ARHGAP15: variants seen among roughly 807,000 people sequenced by gnomAD.
The protein encoded by ARHGAP15 is Rho GTPase activating protein 15.
Under a neutral mutation model 63.7 loss-of-function variants are expected in ARHGAP15, and 51 were observed. The ratio of observed to expected loss-of-function variants is 0.80; its 90% CI spans 0.64 to 1.01. ARHGAP15 has a LOEUF of 1.01. ARHGAP15 is among the 50% of genes least tolerant of loss of function. ARHGAP15 has a pLI of 0.00. For synonymous variants in ARHGAP15, 191 were observed against 193.8 expected (o/e 0.99, Z 0.12); for missense variants, 560 against 564.6 (o/e 0.99, Z 0.08).
chr2:143,193,395 G>T (rs1691753049), intron 2 of ARHGAP15: 1 of 152,644 alleles, frequency 6.6e-6, no homozygotes, highest in Non-Finnish European at 1.5e-5. Flanking sequence ...ACAGCTGTCT[G>T]GCCTGAGCCA....
chr2:143,657,264 G>A (rs1476856495), intron 12 of ARHGAP15, among the ~76,000 whole-genome samples: 1 of 152,092 alleles, frequency 6.6e-6, no homozygotes, highest in Non-Finnish European at 1.5e-5. Context: ...GGAGAATAGC[G>A]TGAACCCTGG....
At chr2:143,685,961 T>C (rs1462022072) in intron 12 of ARHGAP15, among the ~76,000 whole-genome samples, 3 of 152,158 alleles carry the variant, frequency 2.0e-5, no homozygotes, top group South Asian at 2.1e-4. Context: ...AAAAAAATTA[T>C]GTTAGCTGGA....
rs948594851 is a variant in ARHGAP15 at position 143,722,610 on chromosome 2, A to G, written c.1244+19086A>G. On this transcript the variant is annotated intron_variant, in intron 13 of 13. Coordinates refer to ENST00000295095, the MANE Select transcript of ARHGAP15 (RefSeq NM_018460.4). Reference sequence around the variant, plus strand: ...TAATGTAACAGGAAGGGAACAAAACACTTAAGAAAAAACAGAACAGAGACT... The same window carrying G: ...TAATGTAACAGGAAGGGAACAAAACGCTTAAGAAAAAACAGAACAGAGACT... 5.9e-5 allele frequency among the ~76,000 whole-genome samples: 9 copies of G among 152,272 alleles called. 1 individual carries two copies. The highest frequency in any genetic ancestry group is 4.4e-5 in the Non-Finnish European group (3 of 68,044).
chr2:143,182,989 A>C (rs16858734), intron 2 of ARHGAP15, among the ~76,000 whole-genome samples: 50,786 of 151,982 alleles, frequency 0.33, 8,657 homozygotes, highest in South Asian at 0.47. Context: ...AGAAGATTAA[A>C]CTTAACAGAT....
At chr2:143,668,486 C>A (rs1032664626) in intron 12 of ARHGAP15, among the ~76,000 whole-genome samples, 5 of 152,172 alleles carry the variant, frequency 3.3e-5, no homozygotes, top group Non-Finnish European at 7.3e-5. Context: ...GCAGATCCAG[C>A]TGAAAATACA....
At chr2:143,531,116 A>ACGTGTGTGCGCGTGCG (rs1694504322) in intron 10 of ARHGAP15, among the ~76,000 whole-genome samples, 1 of 27,442 alleles carries the variant, frequency 3.6e-5, no homozygotes, top group South Asian at 1.4e-3. Context: ...CTGTGTGTGT[A>ACGTGTGTGCGCGTGCG]TGTGTGTGCG....
At chr2:143,350,443 CAAAGA>C (rs1490482333) in intron 6 of ARHGAP15, among the ~76,000 whole-genome samples, 1 of 151,980 alleles carries the variant, frequency 6.6e-6, no homozygotes, top group African/African-American at 2.4e-5. Flanking sequence ...AGTTTCATAT[CAAAGA>C]AAAGTTGGAA....
At chr2:143,751,288 C>G (rs2105526691) in intron 13 of ARHGAP15, among the ~76,000 whole-genome samples, 1 of 152,338 alleles carries the variant, frequency 6.6e-6, no homozygotes, top group East Asian at 1.9e-4. Flanking sequence ...CGTGGGCTGT[C>G]TCCAAGAGTC....
At chr2:143,678,165 T>A (rs914710351) in intron 12 of ARHGAP15, among the ~76,000 whole-genome samples, 1 of 152,146 alleles carries the variant, frequency 6.6e-6, no homozygotes, top group East Asian at 1.9e-4. Context: ...TGAGCTGTGA[T>A]CATGCCACTA....
intron 2 of ARHGAP15, among the ~76,000 whole-genome samples, chr2:143,157,766 A>C (rs1309857168): frequency 6.6e-6 from 1 of 151,768 alleles, no homozygotes; most frequent in Non-Finnish European, 1.5e-5. Flanking sequence ...CAGAATGTAA[A>C]GTATTTTGGC....
At chr2:143,207,495 AACACAC>A (rs70982851) in intron 3 of ARHGAP15, among the ~76,000 whole-genome samples, 21,879 of 145,722 alleles carry the variant, frequency 0.15, 1,615 homozygotes, top group Middle Eastern at 0.24. Flanking sequence ...CACACACATA[AACACAC>A]ACACACACAC....
At chr2:143,628,201 C>A (rs1449104808) in intron 12 of ARHGAP15, among the ~76,000 whole-genome samples, 1 of 151,980 alleles carries the variant, frequency 6.6e-6, no homozygotes. Flanking sequence ...GTGTATGTAC[C>A]ACATTTTCTT....
intron 1 of ARHGAP15, among the ~76,000 whole-genome samples, chr2:143,141,973 T>A (rs1689388763): frequency 6.6e-6 from 1 of 152,054 alleles, no homozygotes. Context: ...TATGATGCCT[T>A]GTCTATAGGA....
intron 6 of ARHGAP15, among the ~76,000 whole-genome samples, chr2:143,416,134 T>TAA (rs34883043): frequency 0.2 from 28,378 of 140,602 alleles, 3,275 homozygotes; most frequent in East Asian, 0.47. Flanking sequence ...AAATAATAAT[T>TAA]AAAAAAAAAA....
At chr2:143,735,354 G>A (rs1398777888) in intron 13 of ARHGAP15, among the ~76,000 whole-genome samples, 1 of 152,116 alleles carries the variant, frequency 6.6e-6, no homozygotes, top group Non-Finnish European at 1.5e-5. Flanking sequence ...ACGTGACTTT[G>A]GGCGTGACTA....
In ARHGAP15 at chr2:143,430,806, T is replaced by C. The variant is rs1001436346; in HGVS notation, c.475-4795T>C. 2.0e-5 allele frequency among the ~76,000 whole-genome samples: 3 copies of C among 152,054 alleles called. No individual in the cohort carries two copies. The East Asian group carries it at 5.8e-4, about 29-fold the overall frequency. On this transcript the variant is annotated intron_variant, in intron 6 of 13. Transcript: ENST00000295095. ...TAGCAATTAAATTCCATTCCTCTTA[T>C]TTATGTCTCTCTAGAACCACTGTAG...
At chr2:143,511,747 T>TG (rs1467143132) in intron 9 of ARHGAP15, among the ~76,000 whole-genome samples, 1 of 152,212 alleles carries the variant, frequency 6.6e-6, no homozygotes, top group Admixed American at 6.5e-5. Flanking sequence ...GAAGTTTCCA[T>TG]GGCTCAAATG....
At chr2:143,445,913 G>C (rs1195128557) in intron 8 of ARHGAP15, among the ~76,000 whole-genome samples, 1 of 151,916 alleles carries the variant, frequency 6.6e-6, no homozygotes, top group African/African-American at 2.4e-5. Flanking sequence ...TTATAAGACT[G>C]AGAATACTTT....
chr2:143,378,882 G>A (rs1452594044), intron 6 of ARHGAP15, among the ~76,000 whole-genome samples: 4 of 152,042 alleles, frequency 2.6e-5, no homozygotes, highest in African/African-American at 9.7e-5. Flanking sequence ...ATTACAGTTT[G>A]TAAGTTGAAG....
Sources: allele counts gnomAD v4.1 joint callset (sites outside exome capture counted in the v4.1 genomes callset), GRCh38; gene constraint gnomAD v4.1.1; transcripts MANE v1.5; gene names NCBI Gene and HGNC (gene_info 2026-07-23, HGNC 2026-07-21).